CELF2: variants seen among roughly 807,000 people sequenced by gnomAD.
CELF2 encodes the protein CUG triplet repeat RNA-binding protein 2.
CELF2 carries 8 observed loss-of-function variants against 62.6 expected under a neutral mutation model. The ratio of observed to expected loss-of-function variants is 0.13; its 90% CI spans 0.07 to 0.23. The LOEUF is 0.23. Ranked by LOEUF, CELF2 falls within the 10% of genes least tolerant of loss-of-function variation. The pLI is 1.00. For missense variants in CELF2, 333 were observed against 671.0 expected (o/e 0.50, Z 5.56); for synonymous variants, 258 against 250.0 (o/e 1.03, Z -0.30).
At chr10:11,234,260 C>T (rs2070117952) in intron 3 of CELF2, among the ~76,000 whole-genome samples, 1 of 152,186 alleles carries the variant, frequency 6.6e-6, no homozygotes, top group African/African-American at 2.4e-5. Context: ...CTCCAAACTC[C>T]TTGAGAGGGA....
At chr10:11,099,311 C>T (rs2050779784) in intron 1 of CELF2, among the ~76,000 whole-genome samples, 1 of 152,112 alleles carries the variant, frequency 6.6e-6, no homozygotes, top group African/African-American at 2.4e-5. Flanking sequence ...AAGCAGAGAG[C>T]TTATAACATA....
At chr10:10,866,657 T>G (rs1198495240) in intron 1 of CELF2, among the ~76,000 whole-genome samples, 2 of 145,880 alleles carry the variant, frequency 1.4e-5, no homozygotes, top group Non-Finnish European at 3.0e-5. Context: ...TTCGTGCAGC[T>G]AATAAAATTG....
chr10:11,294,816 C>G (rs2092962632), intron 9 of CELF2, among the ~76,000 whole-genome samples: 1 of 152,208 alleles, frequency 6.6e-6, no homozygotes, highest in Non-Finnish European at 1.5e-5. Flanking sequence ...GAGGCTGAGG[C>G]AGGAGAATCA....
chr10:10,662,187 A>T, the CELF2 span, among the ~76,000 whole-genome samples: 3 of 152,308 alleles, frequency 2.0e-5, no homozygotes, highest in East Asian at 5.8e-4. Flanking sequence ...CTCAGCCACT[A>T]GGAGACATAA....
chr10:10,853,864 G>A (rs949945715), intron 1 of CELF2, among the ~76,000 whole-genome samples: 7 of 151,994 alleles, frequency 4.6e-5, no homozygotes, highest in East Asian at 1.9e-4. Context: ...GCCAGGTGAC[G>A]ATGAATGTCC....
intron 1 of CELF2, among the ~76,000 whole-genome samples, chr10:11,088,668 G>C (rs926623726): frequency 2.0e-5 from 3 of 152,202 alleles, no homozygotes; most frequent in African/African-American, 7.2e-5. Context: ...TGTTGGGTGT[G>C]GTGGGTACTG....
chr10:10,722,858 G>A, the CELF2 span, among the ~76,000 whole-genome samples: 1 of 152,150 alleles, frequency 6.6e-6, no homozygotes, highest in Non-Finnish European at 1.5e-5. Context: ...GTTGACTGGG[G>A]CAGAGTGACA....
At chr10:10,664,790 A>G in the CELF2 span, among the ~76,000 whole-genome samples, 20 of 152,174 alleles carry the variant, frequency 1.3e-4, no homozygotes, top group Middle Eastern at 3.2e-3. Context: ...TCGTGGGCAG[A>G]TCTCCCTCTT....
the CELF2 span, among the ~76,000 whole-genome samples, chr10:10,555,154 T>A: frequency 1.3e-5 from 2 of 151,922 alleles, no homozygotes; most frequent in South Asian, 2.1e-4. Context: ...CATGAAAGAA[T>A]GCCACCCAGA....
intron 9 of CELF2, among the ~76,000 whole-genome samples, chr10:11,295,764 AGTGT>A (rs1310239921): frequency 2.6e-5 from 4 of 152,154 alleles, no homozygotes; most frequent in Admixed American, 2.6e-4. Flanking sequence ...AGTTGGAAAC[AGTGT>A]GTCTGCCTAG....
At chr10:10,833,635 T>G (rs1204942209) in intron 1 of CELF2, among the ~76,000 whole-genome samples, 3 of 152,106 alleles carry the variant, frequency 2.0e-5, no homozygotes, top group Non-Finnish European at 4.4e-5. Context: ...TGATGAGGAA[T>G]TTAAAAGTGG....
At chr10:10,637,042 G>C in the CELF2 span, among the ~76,000 whole-genome samples, 1 of 152,076 alleles carries the variant, frequency 6.6e-6, no homozygotes, top group East Asian at 1.9e-4. Context: ...ATATATATGA[G>C]GGACCTTGAA....
chr10:11,153,778 C>CTGGCA (rs2063776465), intron 1 of CELF2, among the ~76,000 whole-genome samples: 1 of 152,228 alleles, frequency 6.6e-6, no homozygotes, highest in African/African-American at 2.4e-5. Context: ...AGTCCCTAAA[C>CTGGCA]TGGCATCTTG....
chr10:11,282,785 A>G (rs1197992467), intron 8 of CELF2, among the ~76,000 whole-genome samples: 3 of 152,238 alleles, frequency 2.0e-5, no homozygotes, highest in Non-Finnish European at 2.9e-5. Context: ...AGCCCGGGTC[A>G]TGTGAGAGCA....
At chr10:11,014,202 G>C (rs898875833), upstream of CELF2, among the ~76,000 whole-genome samples, 1 of 152,194 alleles carries the variant, frequency 6.6e-6, no homozygotes, top group African/African-American at 2.4e-5. Flanking sequence ...TTGTCATGAC[G>C]AGCCAGAAAT....
rs946612146 is a variant in CELF2 at position 11,159,710 on chromosome 10, C to T, written c.75-5776C>T. Among the ~76,000 whole-genome samples, 1 of 152,206 alleles carries T rather than the reference C, an allele frequency of 6.6e-6. No individual in the cohort carries two copies. Among genetic ancestry groups the T allele is most frequent in the Non-Finnish European group, 1.5e-5 (1 of 68,030 alleles). ...ATTTCATGTCTGTCCTGTTACCCGC[C>T]GGAGGCACCAGGCCCATCGCCAGGT... On this transcript the variant is annotated intron_variant, in intron 1 of 12. Transcript: ENST00000633077. This position sits in a 1 kb window ranked among gnomAD's most constrained non-coding sequence, Gnocchi z 5.0.
At chr10:11,196,316 A>G (rs1252360273) in intron 2 of CELF2, among the ~76,000 whole-genome samples, 1 of 152,252 alleles carries the variant, frequency 6.6e-6, no homozygotes, top group East Asian at 1.9e-4. Context: ...GCTAAAGAAC[A>G]TAGATACCTG....
At chr10:10,590,160 T>C in the CELF2 span, among the ~76,000 whole-genome samples, 147,611 of 151,282 alleles carry the variant, frequency 0.98, 72,009 homozygotes, top group East Asian at 1. Context: ...CACATGTGCA[T>C]GCACACACAC....
intron 3 of CELF2, among the ~76,000 whole-genome samples, chr10:11,218,064 T>C (rs1416916755): frequency 6.6e-6 from 1 of 152,234 alleles, no homozygotes; most frequent in Non-Finnish European, 1.5e-5. Flanking sequence ...TTTCTCCGTT[T>C]CCTTCCCAGT....
Sources: gnomAD v4.1 joint callset for allele counts (sites outside exome capture counted in the v4.1 genomes callset) on GRCh38, gnomAD v4.1.1 for gene constraint, Gnocchi (gnomAD v3.1) non-coding constraint, MANE v1.5 for transcripts, NCBI Gene and HGNC (gene_info 2026-07-23, HGNC 2026-07-21) for gene names.